CRACR2A: variants seen among roughly 807,000 people sequenced by gnomAD.
The protein encoded by CRACR2A is EF-hand calcium-binding domain-containing protein 4B.
CRACR2A carries 79 observed loss-of-function variants against 90.5 expected under a neutral mutation model. The ratio of observed to expected loss-of-function variants is 0.87; its 90% CI spans 0.73 to 1.05. The LOEUF is 1.05. CRACR2A is among the 50% of genes least tolerant of loss of function. The pLI, the probability that CRACR2A is intolerant of heterozygous loss-of-function variation, is 0.00. For synonymous variants in CRACR2A, 338 were observed against 356.7 expected (o/e 0.95, Z 0.59); for missense variants, 823 against 897.2 (o/e 0.92, Z 1.06).
rs1008352878 is a variant in CRACR2A, at chr12:3,712,378, G to C, written c.-37+859C>G. On this transcript the variant is annotated intron_variant, in intron 3 of 19. Transcript: ENST00000440314. ...TCTGCAAGCTATGCAAGCATGGTGC[G>C]AACATCTGCTTGGTTACTGGGGAAG... is the stretch of plus-strand genomic sequence containing the variant. Among the ~76,000 whole-genome samples the C allele has an allele frequency of 2.6e-5, 4 of 152,312 alleles. No homozygotes were observed. The South Asian group carries it at 8.3e-4, about 32-fold the overall frequency.
At chr12:3,687,558 T>C (rs1314070117) in intron 4 of CRACR2A, among the ~76,000 whole-genome samples, 1 of 152,218 alleles carries the variant, frequency 6.6e-6, no homozygotes, top group Non-Finnish European at 1.5e-5. Context: ...TAGTATTCCA[T>C]GGTGTATATG....
intron 3 of CRACR2A, among the ~76,000 whole-genome samples, chr12:3,706,935 T>C (rs1028088364): frequency 2.0e-5 from 3 of 152,166 alleles, no homozygotes; most frequent in African/African-American, 4.8e-5. Flanking sequence ...TGAAATCAAA[T>C]TGGCTTCCTC....
At chr12:3,642,164 C>T (rs1944584941) in intron 12 of CRACR2A, among the ~76,000 whole-genome samples, 3 of 152,132 alleles carry the variant, frequency 2.0e-5, no homozygotes, top group African/African-American at 4.8e-5. Context: ...ATTTTCTATA[C>T]ATATTTCTAA....
In CRACR2A at chr12:3,656,313, T is replaced by G; in HGVS notation, c.856A>C (p.Arg286=). ...TGGGGCCATGGATGGCAACATACCC[T>G]TTTCTGCTTCTGGGTGAGCTGCTCC... ...ELEQLTQKQK[R]LEGQCTALHH... is the part of the protein sequence containing the mutation. The change falls in exon 9 of 20, where the codon AGG becomes CGG. Residue 286 remains arginine (R), a splice_region_variant and synonymous_variant. Coordinates refer to ENST00000440314, the MANE Select transcript of CRACR2A (RefSeq NM_001144958.2). The G allele has an allele frequency of 3.1e-6, 5 of 1,614,062 alleles. No homozygotes were observed. The highest frequency in any genetic ancestry group is 3.4e-6 in the Non-Finnish European group (4 of 1,179,978).
intron 18 of CRACR2A, 106 bp from the exon 19 acceptor site, chr12:3,617,136 C>T (rs1218245138): frequency 2.5e-6 from 2 of 789,994 alleles, no homozygotes; most frequent in African/African-American, 1.7e-5. Context: ...TTCACTTCCT[C>T]TCGCAGCCCC....
chr12:3,644,257 C>T (rs1052813962), intron 12 of CRACR2A, among the ~76,000 whole-genome samples: 2 of 151,672 alleles, frequency 1.3e-5, no homozygotes, highest in Non-Finnish European at 2.9e-5. Context: ...TGAAGAAGAA[C>T]GGTGTGAGCA....
At chr12:3,678,867 G>T in intron 6 of CRACR2A, 48 bp downstream of exon 6, 2 of 1,545,416 alleles carry the variant, frequency 1.3e-6, no homozygotes, top group Non-Finnish European at 8.8e-7. Flanking sequence ...ACAGGAAGAG[G>T]TTCCTACCAG....
chr12:3,664,480 A>T (rs1945092485), intron 7 of CRACR2A, among the ~76,000 whole-genome samples: 1 of 152,006 alleles, frequency 6.6e-6, no homozygotes, highest in African/African-American at 2.4e-5. Flanking sequence ...CTTCTGCCTT[A>T]TGTGTCTTCC....
At chr12:3,697,989 C>T (rs1435667473) in intron 3 of CRACR2A, among the ~76,000 whole-genome samples, 2 of 152,182 alleles carry the variant, frequency 1.3e-5, no homozygotes, top group African/African-American at 2.4e-5. Flanking sequence ...TTGAACAAGT[C>T]GGTACCTGTC....
intron 17 of CRACR2A, among the ~76,000 whole-genome samples, chr12:3,625,645 T>C (rs1288933784): frequency 2.7e-5 from 4 of 149,098 alleles, no homozygotes; most frequent in Non-Finnish European, 5.9e-5. Context: ...AGGGAAACTC[T>C]TTTGTCTAAC....
At chr12:3,626,502 G>C (rs555633314) in intron 17 of CRACR2A, among the ~76,000 whole-genome samples, 3 of 152,364 alleles carry the variant, frequency 2.0e-5, no homozygotes, top group Admixed American at 1.3e-4. Context: ...TATGGGCTTG[G>C]AGCAGAGAGC....
chr12:3,687,154 T>C (rs1459297148), intron 4 of CRACR2A, among the ~76,000 whole-genome samples: 1 of 151,498 alleles, frequency 6.6e-6, no homozygotes, highest in Non-Finnish European at 1.5e-5. Flanking sequence ...AAAACAGCCC[T>C]GGAGGAGGGG....
At chr12:3,683,262 A>T (rs1423666409) in intron 4 of CRACR2A, among the ~76,000 whole-genome samples, 1 of 152,206 alleles carries the variant, frequency 6.6e-6, no homozygotes, top group Non-Finnish European at 1.5e-5. Context: ...TCTCCAGGGC[A>T]TTCATTCTGT....
At chr12:3,645,575 T>C (rs1944668740) in intron 11 of CRACR2A, among the ~76,000 whole-genome samples, 1 of 152,146 alleles carries the variant, frequency 6.6e-6, no homozygotes. Context: ...AAAGGATCCC[T>C]CTGGATGGGT....
chr12:3,684,130 C>A (rs568165458), intron 4 of CRACR2A, among the ~76,000 whole-genome samples: 1 of 152,200 alleles, frequency 6.6e-6, no homozygotes, highest in African/African-American at 2.4e-5. Flanking sequence ...GCTTCCATGA[C>A]ATTTTTATTG....
chr12:3,696,723 A>G, intron 4 of CRACR2A, 49 bp downstream of exon 4: 2 of 1,611,730 alleles, frequency 1.2e-6, no homozygotes, highest in Non-Finnish European at 1.7e-6. Flanking sequence ...CCAAGACAGG[A>G]AGACATCTGG....
At chr12:3,672,828 T>C (rs1945271417) in intron 7 of CRACR2A, 10 of 985,162 alleles carry the variant, frequency 1.0e-5, no homozygotes, top group Non-Finnish European at 1.2e-5. Flanking sequence ...TCCTGTCTCC[T>C]GGAGAGGTCT....
chr12:3,749,711 G>A (rs1364087329), intron 1 of CRACR2A, among the ~76,000 whole-genome samples: 1 of 152,052 alleles, frequency 6.6e-6, no homozygotes, highest in Non-Finnish European at 1.5e-5. Flanking sequence ...GAAAGGAAGC[G>A]ATTTGAAAAG....
intron 5 of CRACR2A, among the ~76,000 whole-genome samples, chr12:3,679,914 G>A (rs1945414511): frequency 6.6e-6 from 1 of 152,194 alleles, no homozygotes; most frequent in Non-Finnish European, 1.5e-5. Context: ...GAAAAGGAGA[G>A]GCTGCAAATC....
Sources: gnomAD v4.1 joint callset for allele counts (sites outside exome capture counted in the v4.1 genomes callset) on GRCh38, gnomAD v4.1.1 for gene constraint, MANE v1.5 for transcripts, NCBI Gene and HGNC (gene_info 2026-07-23, HGNC 2026-07-21) for gene names.